GABRB3: variants seen among roughly 807,000 people sequenced by gnomAD.
GABRB3 encodes the protein gamma-aminobutyric acid receptor subunit beta-3.
In GABRB3, 14 loss-of-function variants were observed where a neutral mutation model predicts 52.1. The observed-to-expected ratio is 0.27, with a 90% confidence interval of 0.18 to 0.42. The LOEUF (loss-of-function observed/expected upper bound fraction) is 0.42, where lower values mean the gene tolerates loss of function less well. GABRB3 is among the 10% of genes least tolerant of loss of function. The probability of loss-of-function intolerance (pLI) is 1.00; values close to 1 mark genes in which losing one functional copy is unlikely to be tolerated. For synonymous variants in GABRB3, 260 were observed against 232.3 expected (o/e 1.12, Z -1.08); for missense variants, 307 against 609.1 (o/e 0.50, Z 5.22).
At chr15:26,707,813 G>A (rs920744493) in intron 3 of GABRB3, among the ~76,000 whole-genome samples, 2 of 152,176 alleles carry the variant, frequency 1.3e-5, no homozygotes, top group Non-Finnish European at 2.9e-5. Flanking sequence ...GAAGTTACAT[G>A]AAATGGGAAG....
In GABRB3 at chr15:26,629,294, C is replaced by A. The variant is rs902434170; in HGVS notation, c.241-7760G>T. On this transcript the variant is annotated intron_variant, in intron 3 of 8. Transcript: ENST00000311550. ...GTGGTCTGTGGCTCGAGGGGCGTGG[C>A]CCGTAGCGGAAAAGGCGTGGCCCAG... 17 of 868,572 alleles carry A rather than the reference C, an allele frequency of 2.0e-5. No individual in the cohort carries two copies. The African/African-American group carries it at 2.7e-4, about 14-fold the overall frequency. The allele number at this position is 868,572 out of a possible 1,614,324, so 53.8% of individuals were successfully genotyped here.
upstream of GABRB3, chr15:26,773,542 C>A: frequency 1.2e-6 from 1 of 861,222 alleles, no homozygotes; most frequent in Non-Finnish European, 1.7e-6. Flanking sequence ...CCGCCCGCTG[C>A]AGCGCAGCCC....
chr15:26,699,466 G>T (rs8036006), intron 3 of GABRB3, among the ~76,000 whole-genome samples: 3,609 of 149,760 alleles, frequency 0.024, 142 homozygotes, highest in African/African-American at 0.084. Context: ...ATATAACCCA[G>T]AATACGGAAG....
At chr15:26,716,533 C>T in intron 3 of GABRB3, 1 of 944,668 alleles carries the variant, frequency 1.1e-6, no homozygotes, top group African/African-American at 1.8e-5. Flanking sequence ...GCAAGTTCCC[C>T]AAGCAGGTCA....
intron 3 of GABRB3, among the ~76,000 whole-genome samples, chr15:26,736,264 T>C (rs1890063483): frequency 1.3e-5 from 2 of 152,198 alleles, no homozygotes; most frequent in Admixed American, 6.5e-5. Flanking sequence ...AATAAATAAA[T>C]AATTTTTTAA....
chr15:26,716,127 G>A (rs550282092), intron 3 of GABRB3, among the ~76,000 whole-genome samples: 1 of 152,162 alleles, frequency 6.6e-6, no homozygotes, highest in East Asian at 1.9e-4. Context: ...AAACAGAAAA[G>A]TCTCATCTTC....
At chr15:26,653,467 C>T (rs1257487657) in intron 3 of GABRB3, among the ~76,000 whole-genome samples, 1 of 152,186 alleles carries the variant, frequency 6.6e-6, no homozygotes, top group Non-Finnish European at 1.5e-5. Flanking sequence ...CACCTATGAT[C>T]TCATCTCCAA....
intron 3 of GABRB3, among the ~76,000 whole-genome samples, chr15:26,727,299 T>G (rs541377668): frequency 1.3e-5 from 2 of 152,354 alleles, no homozygotes; most frequent in East Asian, 3.9e-4. Flanking sequence ...CCCTCCTTCC[T>G]TAGGTATTTA....
chr15:26,772,390 G>C lies in GABRB3; in HGVS notation c.240+12C>G. Reference sequence around the variant, plus strand: ...GGGGCTCAGGGACCGCCCTGGGAGGGCGGGCACTCACCATGTTGACTTCGG... The same window carrying C: ...GGGGCTCAGGGACCGCCCTGGGAGGCCGGGCACTCACCATGTTGACTTCGG... On this transcript the variant is annotated intron_variant, in intron 3 of 8. Transcript: ENST00000311550. The C allele has an allele frequency of 6.2e-7, 1 of 1,605,398 alleles. No homozygotes were observed.
chr15:26,561,423 C>T (rs979323181), intron 7 of GABRB3, among the ~76,000 whole-genome samples: 3 of 151,236 alleles, frequency 2.0e-5, no homozygotes, highest in African/African-American at 7.3e-5. Context: ...CTCCCCCACC[C>T]ACCCCCCTGC....
At position 26,752,558 on chromosome 15, in the gene GABRB3, C is replaced by T. The variant is rs540882040; in HGVS notation, c.240+19844G>A. Among the ~76,000 whole-genome samples, 13 of 152,168 alleles carry T rather than the reference C, an allele frequency of 8.5e-5. No individual in the cohort carries two copies. The South Asian group carries it at 1.7e-3, about 19-fold the overall frequency. ...GATTACAGGCATGAGCCACCGCGCCCGGCCCCTCTCCTTTAATAAGTGTTT... is the reference window on the plus strand; with the variant it reads ...GATTACAGGCATGAGCCACCGCGCCTGGCCCCTCTCCTTTAATAAGTGTTT... On this transcript the variant is annotated intron_variant, in intron 3 of 8. Transcript: ENST00000311550.
intron 3 of GABRB3, among the ~76,000 whole-genome samples, chr15:26,758,588 A>G (rs1021454472): frequency 2.0e-5 from 3 of 152,142 alleles, no homozygotes; most frequent in Non-Finnish European, 4.4e-5. Context: ...AATCTGCCCC[A>G]TTAATTGACC....
intron 3 of GABRB3, among the ~76,000 whole-genome samples, chr15:26,691,256 G>C (rs889580991): frequency 2.0e-5 from 3 of 151,946 alleles, no homozygotes; most frequent in African/African-American, 7.3e-5. Flanking sequence ...TTGTATATGA[G>C]TTTCTATGGT....
chr15:26,596,664 A>G (rs1891406106), intron 4 of GABRB3, among the ~76,000 whole-genome samples: 1 of 152,184 alleles, frequency 6.6e-6, no homozygotes. Context: ...AAAAAAAGAG[A>G]GAAATCTACT....
intron 3 of GABRB3, among the ~76,000 whole-genome samples, chr15:26,627,084 T>A (rs1892727762): frequency 6.6e-6 from 1 of 152,098 alleles, no homozygotes; most frequent in Non-Finnish European, 1.5e-5. Context: ...ATTTTGAAAA[T>A]CCCAGGGCCC....
intron 4 of GABRB3, among the ~76,000 whole-genome samples, chr15:26,587,016 T>G (rs1891017206): frequency 6.6e-6 from 1 of 152,184 alleles, no homozygotes; most frequent in Non-Finnish European, 1.5e-5. Context: ...TATTGTACAT[T>G]TCAAATTGCT....
At chr15:26,581,146 T>C (rs967428353) in intron 5 of GABRB3, 6 of 161,012 alleles carry the variant, frequency 3.7e-5, no homozygotes, top group Admixed American at 1.1e-4. Flanking sequence ...TGATTCATCA[T>C]GGCTTCTTGA....
chr15:26,772,821 C>A, intron 1 of GABRB3, 49 bp from the exon 2 acceptor site: 1 of 1,469,436 alleles, frequency 6.8e-7, no homozygotes, highest in South Asian at 1.3e-5. Context: ...GGCGGCTCAG[C>A]CGCCAGCGCC....
intron 3 of GABRB3, among the ~76,000 whole-genome samples, chr15:26,677,701 T>C (rs1218054454): frequency 6.6e-6 from 1 of 152,208 alleles, no homozygotes; most frequent in African/African-American, 2.4e-5. Context: ...TCAGATTATT[T>C]TTTACTATCT....
Sources: allele counts gnomAD v4.1 joint callset (sites outside exome capture counted in the v4.1 genomes callset), GRCh38; gene constraint gnomAD v4.1.1; transcripts MANE v1.5; gene names NCBI Gene and HGNC (gene_info 2026-07-23, HGNC 2026-07-21).